POMT1: variants seen among roughly 807,000 people sequenced by gnomAD.
POMT1 encodes protein O-mannosyl-transferase 1.
In POMT1, 85 loss-of-function variants were observed where a neutral mutation model predicts 101.6. The ratio of observed to expected loss-of-function variants is 0.84; its 90% CI spans 0.70 to 1.00. The LOEUF is 1.00. Among genes scored for constraint, POMT1 ranks in the 50% least tolerant of loss-of-function variants. The pLI is 0.00. For synonymous variants in POMT1, 371 were observed against 383.0 expected (o/e 0.97, Z 0.37); for missense variants, 857 against 930.4 (o/e 0.92, Z 1.03).
chr9:131,519,105 T>G lies in POMT1; in HGVS notation c.1486+148T>G, dbSNP rs1014237945. 1 of 1,278,904 alleles carries G rather than the reference T, an allele frequency of 7.8e-7. No homozygotes were observed. Among genetic ancestry groups the G allele is most frequent in the Non-Finnish European group, 1.1e-6 (1 of 914,598 alleles). 79.2% of individuals were successfully genotyped at this position (1,278,904 alleles called of 1,614,324 possible). A position where few individuals can be genotyped will look rare whatever the true frequency, so the allele number is the denominator to read the frequency against. On this transcript the variant is annotated intron_variant, in intron 15 of 19. Coordinates refer to ENST00000402686, the MANE Select transcript of POMT1 (RefSeq NM_001077365.2). The surrounding 1 kb of genome is among the most constrained non-coding windows in gnomAD (Gnocchi z 4.3). The stretch of plus-strand genomic sequence containing the variant: ...GCAGGTCATCTCCCTCCCTGCACCC[T>G]GCACTCAGCTGCTGCAGTAATAACT...
Position 131,519,333 on chromosome 9 carries a change from C to T in POMT1, c.1487-56C>T. 6.6e-7 allele frequency: 1 copy of T among 1,513,330 alleles called. No individual in the cohort carries two copies. The highest frequency in any genetic ancestry group is 2.5e-5 in the East Asian group (1 of 40,734). 93.7% of individuals were successfully genotyped at this position (1,513,330 alleles called of 1,614,324 possible). On this transcript the variant is annotated intron_variant, in intron 15 of 19. Transcript: ENST00000402686. This position sits in a 1 kb window ranked among gnomAD's most constrained non-coding sequence, Gnocchi z 4.3. ...TTTTGCTGCACTGACAGCTTCTGCT[C>T]TGAGCTCTTGACCTTGTGCTACTTC...
At chr9:131,504,489 C>A in intron 2 of POMT1, 149 bp downstream of exon 2, 1 of 1,171,264 alleles carries the variant, frequency 8.5e-7, no homozygotes, top group South Asian at 1.3e-5. Context: ...CCAGTCTGTC[C>A]CCAGGACAGC....
intron 1 of POMT1, 105 bp from the exon 2 acceptor site, chr9:131,504,084 C>T (rs1385609238): frequency 7.3e-7 from 1 of 1,367,536 alleles, no homozygotes; most frequent in Non-Finnish European, 1.0e-6. Context: ...AGCAGCCCGG[C>T]TGTGCTGTGG....
chr9:131,508,533 AAAAT>A (rs949747785), intron 5 of POMT1, among the ~76,000 whole-genome samples: 1 of 152,050 alleles, frequency 6.6e-6, no homozygotes, highest in Admixed American at 6.5e-5. Flanking sequence ...CTGTCTCAAA[AAAAT>A]AAATAAATAA....
Position 131,506,131 on chromosome 9 carries a change from A to T in POMT1, c.140A>T (p.Tyr47Phe). Residue 47 changes from tyrosine (Y) to phenylalanine (F), a missense_variant, in exon 3 of 20, where the codon TAT becomes TTT. Physicochemically the swap from Tyr to Phe is conservative, Grantham distance 22. Coordinates refer to ENST00000402686, the MANE Select transcript of POMT1 (RefSeq NM_001077365.2). ...TTTTCTAGTTTTGACGAAGTATATT[A>T]TGGGCAGTACATCTCTTTTTACATG... ...PRAVVFDEVY[Y>F]GQYISFYMKQ... is the part of the protein sequence containing the mutation. 2 of 1,613,844 alleles carry T rather than the reference A, an allele frequency of 1.2e-6. No homozygotes were observed. The highest frequency in any genetic ancestry group is 1.7e-6 in the Non-Finnish European group (2 of 1,179,802).
At chr9:131,518,261 G>A (rs1311597521) in intron 13 of POMT1, 184 bp from the exon 14 acceptor site, 4 of 734,406 alleles carry the variant, frequency 5.4e-6, no homozygotes, top group Non-Finnish European at 1.0e-5. Flanking sequence ...CCTCGGAGCA[G>A]CCCGGGGTGC....
intron 12 of POMT1, 21 bp downstream of exon 12, chr9:131,513,352 C>T (rs764170781): frequency 1.2e-5 from 19 of 1,600,374 alleles, no homozygotes; most frequent in Non-Finnish European, 1.5e-5. Context: ...CCGCCGTCTG[C>T]TCTGCTGCAC....
intron 10 of POMT1, 120 bp downstream of exon 10, chr9:131,511,587 C>T: frequency 5.1e-6 from 7 of 1,383,806 alleles, no homozygotes; most frequent in Non-Finnish European, 7.0e-6. Context: ...AGAAGTTGAG[C>T]AGCCCGGGTG....
At position 131,515,465 on chromosome 9, in the gene POMT1, G is replaced by A. The variant is rs750631643; in HGVS notation, c.1215G>A (p.Glu405=). The A allele has an allele frequency of 6.2e-7, 1 of 1,614,204 alleles. No individual in the cohort carries two copies. The highest frequency in any genetic ancestry group is 8.5e-7 in the Non-Finnish European group (1 of 1,180,022). Reference sequence around the variant, plus strand: ...CCCCCCTGAGCCCCCATTCACAGGAGGTCTCCTGCTACATTGACTATAACA... The same window carrying A: ...CCCCCCTGAGCCCCCATTCACAGGAAGTCTCCTGCTACATTGACTATAACA... ...VAAPLSPHSQ[E]VSCYIDYNIS... is the part of the protein sequence containing the mutation. Residue 405 remains glutamate, a synonymous_variant, in exon 13 of 20, where the codon GAG becomes GAA. Coordinates refer to ENST00000402686, the MANE Select transcript of POMT1 (RefSeq NM_001077365.2).
chr9:131,509,609 C>A, intron 6 of POMT1, 134 bp from the exon 7 acceptor site: 1 of 1,554,664 alleles, frequency 6.4e-7, no homozygotes, highest in Non-Finnish European at 8.8e-7. Flanking sequence ...GATGGGAATT[C>A]TTTCTTACTG....
rs769605615 is a variant in POMT1, at chr9:131,513,218, C to T, written c.1083-21C>T. 33 of 1,607,724 alleles carry T rather than the reference C, an allele frequency of 2.1e-5. 1 individual carries two copies. The highest frequency in any genetic ancestry group is 3.3e-4 in the Middle Eastern group (2 of 6,056). ...GAGGGGACCAGGCTCTGTGTGGTCC[C>T]GACAGCACTGTGTCTTCCAGGCACC... is the stretch of plus-strand genomic sequence containing the variant. On this transcript the variant is annotated intron_variant, in intron 11 of 19. Transcript: ENST00000402686.
At chr9:131,512,229 C>T (rs1025722320) in intron 11 of POMT1, 93 bp downstream of exon 11, 7 of 1,551,098 alleles carry the variant, frequency 4.5e-6, no homozygotes, top group Non-Finnish European at 6.1e-6. Flanking sequence ...CCTTCTTTCC[C>T]TCCCTCACTG....
intron 9 of POMT1, chr9:131,511,000 A>C: frequency 3.7e-6 from 1 of 273,172 alleles, no homozygotes; most frequent in South Asian, 5.0e-5. Context: ...TGTGTGTTTC[A>C]GCAAGTTGTT....
chr9:131,523,487 G>C lies in POMT1; in HGVS notation c.*381G>C, dbSNP rs57955153. 4 of 321,952 alleles carry C rather than the reference G, an allele frequency of 1.2e-5. No homozygotes were observed. Among genetic ancestry groups the C allele is most frequent in the Non-Finnish European group, 2.4e-5 (4 of 165,108 alleles). 19.9% of individuals were successfully genotyped at this position (321,952 alleles called of 1,614,324 possible). A position where few individuals can be genotyped will look rare whatever the true frequency, so the allele number is the denominator to read the frequency against. ...GGGTGGAGTTTGATCTGGCAGACCCGATCCTCCTTCATGAACACCCAGCAA... is the reference window on the plus strand; with the variant it reads ...GGGTGGAGTTTGATCTGGCAGACCCCATCCTCCTTCATGAACACCCAGCAA... On this transcript the variant is annotated 3_prime_UTR_variant, in exon 20 of 20. Transcript: ENST00000402686.
intron 13 of POMT1, chr9:131,518,169 G>A (rs1236426834): frequency 2.0e-6 from 1 of 487,948 alleles, no homozygotes; most frequent in African/African-American, 2.0e-5. Context: ...AGAGAGGCAC[G>A]AAGAACATCA....
rs1947235065 is a variant in POMT1, at chr9:131,512,059, C to T, written c.1005C>T (p.Gly335=). Residue 335 remains glycine, a synonymous_variant, in exon 11 of 20, where the codon GGC becomes GGT. Coordinates refer to ENST00000402686, the MANE Select transcript of POMT1 (RefSeq NM_001077365.2). ...CACACAGATATGAGAACGGCCGAGG[C>T]AGCTCCCACCAGCAACAGGTGACCT... ...TYPMIYENGR[G]SSHQQQVTCY... is the part of the protein sequence containing the mutation. The T allele has an allele frequency of 6.2e-7, 1 of 1,614,142 alleles. No homozygotes were observed. Among genetic ancestry groups the T allele is most frequent in the African/African-American group, 1.3e-5 (1 of 75,042 alleles).
At chr9:131,504,387 T>C (rs778433240) in intron 2 of POMT1, 47 bp downstream of exon 2, 1 of 1,614,008 alleles carries the variant, frequency 6.2e-7, no homozygotes, top group South Asian at 1.1e-5. Context: ...AATTGTACTT[T>C]GTGACAGGAG....
In POMT1 at chr9:131,512,246, G is replaced by C. The variant is rs1564355239; in HGVS notation, c.1082+110G>C. Reference sequence around the variant, plus strand: ...TTCTTTCCCTCCCTCACTGACTCTAGTCACCGTCATGGCCTTGAACACCAG... The same window carrying C: ...TTCTTTCCCTCCCTCACTGACTCTACTCACCGTCATGGCCTTGAACACCAG... On this transcript the variant is annotated intron_variant, in intron 11 of 19. Transcript: ENST00000402686. 9 of 1,535,318 alleles carry C rather than the reference G, an allele frequency of 5.9e-6. No homozygotes were observed. In the East Asian group the frequency reaches 1.2e-4, roughly 21 times the overall value.
rs1172836541 is a variant in POMT1, at chr9:131,521,472, G to T, written c.1825G>T (p.Asp609Tyr). The T allele has an allele frequency of 6.2e-7, 1 of 1,613,820 alleles. No homozygotes were observed. The highest frequency in any genetic ancestry group is 1.7e-5 in the Admixed American group (1 of 60,008). Residue 609 changes from aspartate (D) to tyrosine (Y), a missense_variant and splice_region_variant, in exon 18 of 20, where the codon GAT becomes TAT. By Grantham distance (160) the Asp-to-Tyr change is radical (BLOSUM62 -3). Coordinates refer to ENST00000402686, the MANE Select transcript of POMT1 (RefSeq NM_001077365.2). ...RRRNVHDLPQDAWLRWVLAGA... is the reference protein window; with the variant it reads ...RRRNVHDLPQYAWLRWVLAGA... ...AAGAAATGTCCATGACCTCCCTCAG[G>T]GTTAGTACCTCTCCCACATGGCTTT... is the stretch of plus-strand genomic sequence containing the variant.
Sources: gnomAD v4.1 joint callset for allele counts (sites outside exome capture counted in the v4.1 genomes callset) on GRCh38, gnomAD v4.1.1 for gene constraint, Gnocchi (gnomAD v3.1) non-coding constraint, MANE v1.5 for transcripts, NCBI Gene and HGNC (gene_info 2026-07-23, HGNC 2026-07-21) for gene names.